The following PLEKHA1 variants were observed in gnomAD, a reference collection of about 807,000 sequenced individuals.
PLEKHA1 encodes pleckstrin homology domain-containing family A member 1.
A neutral mutation model predicts 52.0 loss-of-function variants in PLEKHA1; 34 were observed. That is an observed-to-expected ratio of 0.65 (90% confidence interval 0.50 to 0.87). The LOEUF (loss-of-function observed/expected upper bound fraction) is 0.87. Among genes scored for constraint, PLEKHA1 ranks in the 40% least tolerant of loss-of-function variants. The pLI is 0.00. For missense variants in PLEKHA1, 497 were observed against 504.2 expected (o/e 0.99, Z 0.14); for synonymous variants, 163 against 170.7 (o/e 0.95, Z 0.35).
At chr10:122,383,313 G>GTTTTTTTTTTT (rs58485855) in intron 1 of PLEKHA1, among the ~76,000 whole-genome samples, 1 of 128,390 alleles carries the variant, frequency 7.8e-6, no homozygotes, top group Non-Finnish European at 1.6e-5. Context: ...CTTTCTTTCT[G>GTTTTTTTTTTT]TTTTTTTTTT....
rs771579441 is a variant in PLEKHA1 at position 122,415,850 on chromosome 10, T to G, written c.469-9T>G. On this transcript the variant is annotated splice_polypyrimidine_tract_variant and intron_variant, in intron 6 of 11. Coordinates refer to ENST00000368990, the MANE Select transcript of PLEKHA1 (RefSeq NM_001001974.4). The stretch of plus-strand genomic sequence containing the variant: ...AAGAAAATAATTTATTTATTTTGCT[T>G]CATTTTAGAAAGAAGAAGTAAATGA... The G allele has an allele frequency of 9.4e-6, 15 of 1,601,036 alleles. No individual in the cohort carries two copies. Among genetic ancestry groups the G allele is most frequent in the African/African-American group, 1.3e-5 (1 of 74,374 alleles).
chr10:122,425,828 G>A (rs2097330939), intron 10 of PLEKHA1: 1 of 151,848 alleles, frequency 6.6e-6, no homozygotes, highest in African/African-American at 2.4e-5. Flanking sequence ...GAAAAATGTG[G>A]CTTATAAAAC....
At chr10:122,376,842 C>A (rs1408066592) in intron 1 of PLEKHA1, among the ~76,000 whole-genome samples, 1 of 152,100 alleles carries the variant, frequency 6.6e-6, no homozygotes, top group African/African-American at 2.4e-5. Context: ...GGATTCTTTT[C>A]TTTAAAAGTC....
intron 8 of PLEKHA1, chr10:122,420,224 A>C (rs902376121): frequency 1.3e-5 from 2 of 152,224 alleles, no homozygotes; most frequent in African/African-American, 4.8e-5. Context: ...CTGGAATCTG[A>C]ATGTGAAATC....
intron 5 of PLEKHA1, among the ~76,000 whole-genome samples, chr10:122,410,277 T>C (rs2097089831): frequency 6.6e-6 from 1 of 152,200 alleles, no homozygotes; most frequent in Non-Finnish European, 1.5e-5. Flanking sequence ...TGCAAATGCC[T>C]GCCAAGATTA....
chr10:122,377,027 TTATTAGTCATGCTGCAAATCCC>T (rs2096548040), intron 1 of PLEKHA1, among the ~76,000 whole-genome samples: 1 of 152,202 alleles, frequency 6.6e-6, no homozygotes, highest in Non-Finnish European at 1.5e-5. Context: ...TTCTTTATTA[TTATTAGTCATGCTGCAAATCCC>T]GAAGTTATTT....
At chr10:122,375,207 G>A (rs946760049) in intron 1 of PLEKHA1, among the ~76,000 whole-genome samples, 2 of 152,048 alleles carry the variant, frequency 1.3e-5, no homozygotes, top group Non-Finnish European at 2.9e-5. Context: ...GAGAAATCCC[G>A]CTCGGGGCGC....
intron 1 of PLEKHA1, among the ~76,000 whole-genome samples, chr10:122,390,364 G>C (rs1364873669): frequency 6.6e-6 from 1 of 152,188 alleles, no homozygotes; most frequent in Admixed American, 6.5e-5. Context: ...ATTTCCTTCA[G>C]GAACTTTACC....
chr10:122,394,069 CTT>C (rs796831792), intron 2 of PLEKHA1, among the ~76,000 whole-genome samples: 128 of 97,192 alleles, frequency 1.3e-3, no homozygotes, highest in Non-Finnish European at 2.0e-3. Flanking sequence ...ACTTTCTCTA[CTT>C]TTTTTTTTTT....
intron 5 of PLEKHA1, chr10:122,412,655 T>C (rs987487173): frequency 7.7e-6 from 3 of 389,172 alleles, no homozygotes; most frequent in African/African-American, 6.0e-5. Flanking sequence ...CCCCTATGCA[T>C]AGGGTAGACA....
At chr10:122,381,022 T>C (rs1010194588) in intron 1 of PLEKHA1, among the ~76,000 whole-genome samples, 14 of 152,180 alleles carry the variant, frequency 9.2e-5, no homozygotes, top group African/African-American at 3.4e-4. Flanking sequence ...TCTGTAAAAT[T>C]GTTATAAGGA....
At position 122,431,557 on chromosome 10, in the gene PLEKHA1, T is replaced by C. The variant is rs1483563040; in HGVS notation, c.*1619T>C. The C allele has an allele frequency of 2.0e-4, 30 of 152,664 alleles. No individual in the cohort carries two copies. Among genetic ancestry groups the C allele is most frequent in the Non-Finnish European group, 8.8e-5 (6 of 68,042 alleles). 9.5% of individuals were successfully genotyped at this position (152,664 alleles called of 1,614,324 possible). On this transcript the variant is annotated 3_prime_UTR_variant, in exon 12 of 12. Transcript: ENST00000368990. ...GAATTCATGCATATCATTGAAAATT[T>C]CTCGTTTTCATTTTCTTAGATGACT...
In PLEKHA1 at chr10:122,424,973, T is replaced by C. The variant is rs1442572120; in HGVS notation, c.810+14T>C. 3 of 1,594,662 alleles carry C rather than the reference T, an allele frequency of 1.9e-6. No individual in the cohort carries two copies. The highest frequency in any genetic ancestry group is 2.6e-6 in the Non-Finnish European group (3 of 1,168,468). Reference sequence around the variant, plus strand: ...TTCTATGTGCAGGTAAGATGCTTATTTGGCAATTAATAGATCCTCCTAAAA... The same window carrying C: ...TTCTATGTGCAGGTAAGATGCTTATCTGGCAATTAATAGATCCTCCTAAAA... On this transcript the variant is annotated intron_variant, in intron 10 of 11. Coordinates refer to ENST00000368990, the MANE Select transcript of PLEKHA1 (RefSeq NM_001001974.4).
At position 122,427,828 on chromosome 10, in the gene PLEKHA1, C is replaced by T. The variant is rs894807359; in HGVS notation, c.900+797C>T. Among the ~76,000 whole-genome samples the T allele has an allele frequency of 5.3e-5, 8 of 152,136 alleles. No homozygotes were observed. The East Asian group carries it at 1.3e-3, about 26-fold the overall frequency. On this transcript the variant is annotated intron_variant, in intron 11 of 11. Coordinates refer to ENST00000368990, the MANE Select transcript of PLEKHA1 (RefSeq NM_001001974.4). The stretch of plus-strand genomic sequence containing the variant: ...AGTAGTCTCATATGTAGCATGATAG[C>T]CTTTATTATCTAGATTTACTATGAC...
chr10:122,425,699 C>G (rs1590932169), intron 10 of PLEKHA1: 1 of 111,764 alleles, frequency 8.9e-6, no homozygotes, highest in Non-Finnish European at 1.7e-5. Context: ...GCCTGGGTGA[C>G]AGAGACCCTG....
rs577733790 is a variant in PLEKHA1, at chr10:122,401,709, G to A, written c.244+1321G>A. Among the ~76,000 whole-genome samples, 24 of 152,308 alleles carry A rather than the reference G, an allele frequency of 1.6e-4. No individual in the cohort carries two copies. In the South Asian group the frequency reaches 2.3e-3, roughly 14 times the overall value. The stretch of plus-strand genomic sequence containing the variant: ...GGAGTCTGTTGAAAAGTGGGTGGTA[G>A]TCGAAGCTAGGAGAATTGATACCCT... On this transcript the variant is annotated intron_variant, in intron 4 of 11. Transcript: ENST00000368990.
At position 122,430,406 on chromosome 10, in the gene PLEKHA1, A is replaced by C. The variant is rs1022718884; in HGVS notation, c.*468A>C. 6.4e-6 allele frequency: 1 copy of C among 155,632 alleles called. No individual in the cohort carries two copies. The highest frequency in any genetic ancestry group is 2.4e-5 in the African/African-American group (1 of 41,462). 9.6% of individuals were successfully genotyped at this position (155,632 alleles called of 1,614,324 possible). The stretch of plus-strand genomic sequence containing the variant: ...CCAGACCAAGATACCTAAACTCATG[A>C]TGTCTGTGGTGCTGTAAAATTTATA... On this transcript the variant is annotated 3_prime_UTR_variant, in exon 12 of 12. Coordinates refer to ENST00000368990, the MANE Select transcript of PLEKHA1 (RefSeq NM_001001974.4).
the PLEKHA1 span, chr10:122,439,517 A>T: frequency 6.6e-6 from 1 of 152,022 alleles, no homozygotes; most frequent in East Asian, 1.9e-4. Context: ...CTCAGGCTGG[A>T]TCACCTGAGG....
intron 4 of PLEKHA1, among the ~76,000 whole-genome samples, chr10:122,405,202 T>G (rs2096990968): frequency 6.6e-6 from 1 of 152,062 alleles, no homozygotes; most frequent in African/African-American, 2.4e-5. Context: ...TGTATTAAGA[T>G]TCAAAATATA....
Sources: gnomAD v4.1 joint callset for allele counts (sites outside exome capture counted in the v4.1 genomes callset) on GRCh38, gnomAD v4.1.1 for gene constraint, MANE v1.5 for transcripts, NCBI Gene and HGNC (gene_info 2026-07-23, HGNC 2026-07-21) for gene names.